The following MED15 variants were observed in gnomAD, a reference collection of about 807,000 sequenced individuals.
MED15 encodes mediator complex subunit 15, also known as mediator of RNA polymerase II transcription subunit 15.
A neutral mutation model predicts 118.7 loss-of-function variants in MED15; 41 were observed. The observed-to-expected ratio is 0.35, with a 90% CI of 0.27 to 0.45. The LOEUF (loss-of-function observed/expected upper bound fraction) is 0.45. Ranked by LOEUF, MED15 falls within the 20% of genes least tolerant of loss-of-function variation. The pLI is 1.00. For synonymous variants in MED15, 436 were observed against 413.9 expected, an observed-to-expected ratio of 1.05 and a Z score of -0.65; for missense variants, 740 against 1,025.5, an observed-to-expected ratio of 0.72 and a Z score of 3.80.
intron 1 of MED15, among the ~76,000 whole-genome samples, chr22:20,512,939 A>G (rs2054124885): frequency 6.6e-6 from 1 of 151,734 alleles, no homozygotes; most frequent in African/African-American, 2.4e-5. Context: ...ACGGGGTTTC[A>G]CCATGTTGGT....
At chr22:20,516,345 TAAGTA>T (rs1004969578) in intron 1 of MED15, among the ~76,000 whole-genome samples, 8 of 151,438 alleles carry the variant, frequency 5.3e-5, no homozygotes, top group Non-Finnish European at 1.0e-4. Flanking sequence ...TAATAATAAA[TAAGTA>T]AATAAATGAA....
At chr22:20,521,748 CAG>C (rs1260789892) in intron 1 of MED15, among the ~76,000 whole-genome samples, 3 of 147,568 alleles carry the variant, frequency 2.0e-5, no homozygotes, top group African/African-American at 5.0e-5. Flanking sequence ...ATTTCTGAGA[CAG>C]AGTCTTTCTC....
chr22:20,510,374 G>C (rs560848123), intron 1 of MED15, among the ~76,000 whole-genome samples: 72 of 152,268 alleles, frequency 4.7e-4, no homozygotes, highest in Admixed American at 1.3e-3. Context: ...GACAGAGCGA[G>C]ACTCCATCTC....
At chr22:20,512,587 C>CT (rs1001694854) in intron 1 of MED15, among the ~76,000 whole-genome samples, 15,909 of 91,728 alleles carry the variant, frequency 0.17, 2,381 homozygotes, top group East Asian at 0.3. Context: ...TGAGTCACCT[C>CT]TTTTTTTTTT....
At chr22:20,508,248 G>C (rs748012570) in intron 1 of MED15, 4 of 1,281,014 alleles carry the variant, frequency 3.1e-6, no homozygotes, top group Non-Finnish European at 4.1e-6. Context: ...GTGACCCCCC[G>C]AAGGAATGTG....
In MED15 at chr22:20,579,939, G is replaced by T. The variant is rs537663215; in HGVS notation, c.1273-2672G>T. Among the ~76,000 whole-genome samples, 3 of 152,186 alleles carry T rather than the reference G, an allele frequency of 2.0e-5. No homozygotes were observed. In the East Asian group the frequency reaches 5.8e-4, roughly 30 times the overall value. ...GACACACCGGCGCCCGACCTCTCTG[G>T]CTGCCTCCCTAATGCCAGTTGTGTC... On this transcript the variant is annotated intron_variant, in intron 9 of 17. Coordinates refer to ENST00000263205, the MANE Select transcript of MED15 (RefSeq NM_001003891.3).
At position 20,521,682 on chromosome 22, in the gene MED15, C is replaced by T. The variant is rs545881225; in HGVS notation, c.68+13936C>T. On this transcript the variant is annotated intron_variant, in intron 1 of 17. Transcript: ENST00000263205. ...AAATGCTGGGATTACAGGCGTGAGCCACTGCGCCTGGCCTTATTTATTTAT... is the reference window on the plus strand; with the variant it reads ...AAATGCTGGGATTACAGGCGTGAGCTACTGCGCCTGGCCTTATTTATTTAT... Among the ~76,000 whole-genome samples the T allele has an allele frequency of 2.6e-5, 4 of 151,362 alleles. No individual in the cohort carries two copies. In the Admixed American group the frequency reaches 2.6e-4, roughly 10 times the overall value.
At chr22:20,570,780 A>C (rs1348935096) in intron 8 of MED15, among the ~76,000 whole-genome samples, 1 of 49,150 alleles carries the variant, frequency 2.0e-5, no homozygotes, top group Admixed American at 2.8e-4. Flanking sequence ...TTTTTTTGAC[A>C]GAGTCTTGCT....
In MED15 at chr22:20,578,682, C is replaced by T. The variant is rs183868296; in HGVS notation, c.1272+3450C>T. 2.3e-3 allele frequency among the ~76,000 whole-genome samples: 356 copies of T among 152,334 alleles called. 1 individual carries two copies. The highest frequency in any genetic ancestry group is 4.3e-3 in the Non-Finnish European group (290 of 68,034). On this transcript the variant is annotated intron_variant, in intron 9 of 17. Transcript: ENST00000263205. ...TGTGTCCCATCTGAGCTCTCAGGGG[C>T]CAGAACCTGCTGTCTCCAGTGTGTC...
At chr22:20,571,355 G>A (rs1460690043) in intron 8 of MED15, among the ~76,000 whole-genome samples, 1 of 152,246 alleles carries the variant, frequency 6.6e-6, no homozygotes, top group Non-Finnish European at 1.5e-5. Flanking sequence ...AGGATGGAGA[G>A]TGGTTACCAC....
intron 2 of MED15, among the ~76,000 whole-genome samples, chr22:20,545,484 A>G (rs1334813980): frequency 6.6e-6 from 1 of 151,964 alleles, no homozygotes; most frequent in Non-Finnish European, 1.5e-5. Flanking sequence ...AAAAAAAAAA[A>G]AAAAAAAAAG....
At chr22:20,536,589 C>T (rs1490608001) in intron 1 of MED15, among the ~76,000 whole-genome samples, 4 of 152,152 alleles carry the variant, frequency 2.6e-5, no homozygotes. Context: ...TCTTTGATCC[C>T]ACATATAGGA....
intron 14 of MED15, 38 bp from the exon 15 acceptor site, chr22:20,584,817 G>A (rs199776519): frequency 2.5e-5 from 40 of 1,606,480 alleles, no homozygotes; most frequent in African/African-American, 5.3e-5. Context: ...GGGAACCCTC[G>A]GGTCCCGGGC....
chr22:20,582,807 C>T (rs977757481), intron 10 of MED15, 33 bp from the exon 11 acceptor site: 1 of 1,604,750 alleles, frequency 6.2e-7, no homozygotes, highest in Non-Finnish European at 8.5e-7. Flanking sequence ...CTGCCTGGAC[C>T]CCGGCTCACA....
rs769308794 is a variant in MED15, at chr22:20,537,200, C to A, written c.152C>A (p.Thr51Asn). 1.1e-5 allele frequency: 18 copies of A among 1,612,598 alleles called. No individual in the cohort carries two copies. The South Asian group carries it at 2.0e-4, about 18-fold the overall frequency. ...MESHVFLKAK[T>N]RDEYLSLVAR... ...AGCCATGTTTTCCTGAAGGCCAAGA[C>A]CCGGGTAAGGCCCTAGTAAGTGGAG... The change falls in exon 2 of 18, where the codon ACC (threonine) becomes AAC (asparagine). Residue 51 changes from threonine to asparagine, a missense_variant. Physicochemically the swap from Thr to Asn is moderately conservative, Grantham distance 65 (BLOSUM62 0). Around this residue, in one of 7 missense-constraint regions of MED15, gnomAD observed 33 missense variants for 78.2 expected, o/e 0.42. Coordinates refer to ENST00000263205, the MANE Select transcript of MED15 (RefSeq NM_001003891.3).
intron 1 of MED15, among the ~76,000 whole-genome samples, chr22:20,529,719 C>T (rs1414130510): frequency 2.0e-5 from 3 of 152,224 alleles, no homozygotes; most frequent in African/African-American, 4.8e-5. Flanking sequence ...CCTACCTCAG[C>T]CTCCCGAGTA....
chr22:20,582,601 C>T lies in MED15; in HGVS notation c.1273-10C>T, dbSNP rs1361951773. 2.6e-6 allele frequency: 4 copies of T among 1,544,322 alleles called. No individual in the cohort carries two copies. On this transcript the variant is annotated splice_polypyrimidine_tract_variant and intron_variant, in intron 9 of 17. Transcript: ENST00000263205. ...GTGGCAGCGCGCCGGCTGAGCCCCTCCACTTCCAGGTCAGCCAGAGCAGCC... is the reference window on the plus strand; with the variant it reads ...GTGGCAGCGCGCCGGCTGAGCCCCTTCACTTCCAGGTCAGCCAGAGCAGCC...
chr22:20,555,221 G>T, intron 5 of MED15, 73 bp downstream of exon 5: 1 of 1,384,074 alleles, frequency 7.2e-7, no homozygotes, highest in African/African-American at 1.4e-5. Flanking sequence ...CTGTGCTTAT[G>T]ATGGTATCAA....
At chr22:20,568,273 T>TGTG (rs361841) in intron 7 of MED15, among the ~76,000 whole-genome samples, 152,046 of 152,266 alleles carry the variant, frequency 1, 75,913 homozygotes, top group South Asian at 1. Context: ...CGTCAGTGCT[T>TGTG]GTGATAGCTG....
Sources: gnomAD v4.1 joint callset for allele counts (sites outside exome capture counted in the v4.1 genomes callset) on GRCh38, gnomAD v4.1.1 for gene constraint, gnomAD v4.1.1 regional missense constraint, MANE v1.5 for transcripts, NCBI Gene and HGNC (gene_info 2026-07-23, HGNC 2026-07-21) for gene names.